PTGR3: variants seen among roughly 807,000 people sequenced by gnomAD.
The protein encoded by PTGR3 is prostaglandin reductase 3.
chr18:75,203,972 T>A, the PTGR3 span, among the ~76,000 whole-genome samples: 19 of 151,976 alleles, frequency 1.3e-4, no homozygotes, highest in African/African-American at 4.6e-4. Flanking sequence ...CCCGTGGGGG[T>A]GGAAGTGACG....
chr18:75,202,557 T>C, the PTGR3 span, among the ~76,000 whole-genome samples: 1 of 152,174 alleles, frequency 6.6e-6, no homozygotes, highest in Admixed American at 6.5e-5. Flanking sequence ...TGGCATATTT[T>C]TTCCTTTCAT....
At chr18:75,201,590 G>T in the PTGR3 span, 1 of 1,614,010 alleles carries the variant, frequency 6.2e-7, no homozygotes. Context: ...CACACATCTC[G>T]AGCAAGTGGC....
At chr18:75,208,723 A>C in the PTGR3 span, 2 of 986,032 alleles carry the variant, frequency 2.0e-6, no homozygotes, top group African/African-American at 3.4e-5. Flanking sequence ...TCGCAAACTC[A>C]GGCTGTGCGC....
chr18:75,204,673 A>C, the PTGR3 span, among the ~76,000 whole-genome samples: 6 of 151,186 alleles, frequency 4.0e-5, no homozygotes, highest in Non-Finnish European at 5.9e-5. Context: ...ATTGACCCCA[A>C]CTCCCGGGCG....
At chr18:75,205,382 C>A in the PTGR3 span, 1 of 985,638 alleles carries the variant, frequency 1.0e-6, no homozygotes, top group African/African-American at 1.7e-5. Flanking sequence ...CCCCCACCCC[C>A]CCTTTAATTG....
the PTGR3 span, among the ~76,000 whole-genome samples, chr18:75,208,680 G>A: frequency 2.0e-5 from 3 of 152,070 alleles, no homozygotes; most frequent in African/African-American, 7.2e-5. Context: ...ATTCGCCTTC[G>A]CCAGATGGCG....
At chr18:75,201,323 T>A in the PTGR3 span, 2 of 1,106,286 alleles carry the variant, frequency 1.8e-6, no homozygotes, top group Non-Finnish European at 2.6e-6. Flanking sequence ...AAATATTATA[T>A]CCATTACCAA....
chr18:75,204,253 A>AC, the PTGR3 span, among the ~76,000 whole-genome samples: 17 of 151,178 alleles, frequency 1.1e-4, no homozygotes, highest in East Asian at 2.0e-4. Flanking sequence ...GGAAAATGCA[A>AC]CCCCCCCTCT....
the PTGR3 span, chr18:75,208,954 C>T: frequency 6.3e-7 from 1 of 1,594,698 alleles, no homozygotes; most frequent in Non-Finnish European, 8.5e-7. Context: ...TCACCACCAG[C>T]TTCTGCATGG....
the PTGR3 span, chr18:75,208,753 T>C: frequency 2.1e-5 from 24 of 1,146,164 alleles, no homozygotes; most frequent in Non-Finnish European, 2.6e-5. Flanking sequence ...CGCCGGAGTG[T>C]GGGCACGCGG....
chr18:75,204,172 G>C, the PTGR3 span, among the ~76,000 whole-genome samples: 1 of 152,236 alleles, frequency 6.6e-6, no homozygotes, highest in Non-Finnish European at 1.5e-5. Flanking sequence ...GGGACACCCG[G>C]GCGGCCAGCC....
At chr18:75,197,401 T>G in the PTGR3 span, 1 of 152,206 alleles carries the variant, frequency 6.6e-6, no homozygotes. Flanking sequence ...ATACACCTTC[T>G]ATATACCCGT....
chr18:75,199,080 G>A, the PTGR3 span: 1 of 152,656 alleles, frequency 6.6e-6, no homozygotes, highest in Admixed American at 6.5e-5. Flanking sequence ...AGTGAAAACA[G>A]CATGCAGTGC....
the PTGR3 span, chr18:75,196,635 A>T: frequency 1.7e-5 from 1 of 60,102 alleles, no homozygotes; most frequent in African/African-American, 5.4e-5. Context: ...CTTGTCCCAA[A>T]AAAAAAAAAA....
chr18:75,200,014 C>T, the PTGR3 span: 1 of 152,568 alleles, frequency 6.6e-6, no homozygotes, highest in Non-Finnish European at 1.5e-5. Flanking sequence ...CCTTGCTCCT[C>T]AGATGGAAGG....
At chr18:75,200,079 A>G in the PTGR3 span, 1 of 152,308 alleles carries the variant, frequency 6.6e-6, no homozygotes, top group Non-Finnish European at 1.5e-5. Flanking sequence ...AATTGCGTCC[A>G]TATTTACTGA....
chr18:75,199,510 C>T, the PTGR3 span: 12 of 152,246 alleles, frequency 7.9e-5, no homozygotes, highest in Admixed American at 6.5e-4. Context: ...CCAGTCATTT[C>T]CTGTGCACAG....
At chr18:75,201,421 GCTTA>G in the PTGR3 span, 1 of 1,606,496 alleles carries the variant, frequency 6.2e-7, no homozygotes, top group South Asian at 1.1e-5. Flanking sequence ...TGTTTTTACA[GCTTA>G]CTGTTGACAG....
chr18:75,195,273 G>C, the PTGR3 span: 1 of 152,220 alleles, frequency 6.6e-6, no homozygotes, highest in Non-Finnish European at 1.5e-5. Context: ...AAATGATCTG[G>C]AATCCTAATT....
Sources: allele counts gnomAD v4.1 joint callset (sites outside exome capture counted in the v4.1 genomes callset), GRCh38; gene constraint gnomAD v4.1.1; transcripts MANE v1.5; gene names NCBI Gene and HGNC (gene_info 2026-07-23, HGNC 2026-07-21).